BBS9: variants seen among roughly 807,000 people sequenced by gnomAD.
The protein encoded by BBS9 is protein PTHB1.
In BBS9, 89 loss-of-function variants were observed where a neutral mutation model predicts 117.7. The ratio of observed to expected loss-of-function variants is 0.76; its 90% CI spans 0.64 to 0.90. BBS9 has a LOEUF of 0.90. Ranked by LOEUF, BBS9 falls within the 40% of genes least tolerant of loss-of-function variation. BBS9 has a pLI of 0.00. For synonymous variants in BBS9, 379 were observed against 370.9 expected (o/e 1.02, Z -0.25); for missense variants, 982 against 1,042.2 (o/e 0.94, Z 0.80).
At chr7:33,277,844 G>C (rs1426446885) in intron 9 of BBS9, among the ~76,000 whole-genome samples, 1 of 152,134 alleles carries the variant, frequency 6.6e-6, no homozygotes, top group Non-Finnish European at 1.5e-5. Context: ...CTACAATAGT[G>C]ATGTTATCTG....
intron 19 of BBS9, among the ~76,000 whole-genome samples, chr7:33,483,175 C>T (rs914188588): frequency 1.3e-5 from 2 of 152,060 alleles, no homozygotes; most frequent in Admixed American, 6.6e-5. Context: ...TAATTTGGTC[C>T]TAGACCTTGA....
intron 19 of BBS9, among the ~76,000 whole-genome samples, chr7:33,447,625 T>C (rs373881416): frequency 6.6e-6 from 1 of 152,294 alleles, no homozygotes; most frequent in South Asian, 2.1e-4. Context: ...TTTAGAGAAG[T>C]TTACTATCAG....
chr7:33,142,550 C>T (rs1362495721), intron 1 of BBS9, among the ~76,000 whole-genome samples: 2 of 152,180 alleles, frequency 1.3e-5, no homozygotes, highest in African/African-American at 4.8e-5. Context: ...ATCTCCAGAA[C>T]TTCTCATCTT....
intron 5 of BBS9, among the ~76,000 whole-genome samples, chr7:33,232,332 A>G (rs1008655930): frequency 5.9e-5 from 9 of 152,150 alleles, no homozygotes; most frequent in Non-Finnish European, 1.2e-4. Context: ...GCAGAAACTT[A>G]TTAAGAAGAA....
chr7:33,606,102 T>A (rs1364898950), downstream of BBS9: 1 of 152,142 alleles, frequency 6.6e-6, no homozygotes, highest in Admixed American at 6.5e-5. Context: ...GGGAAAGTTG[T>A]TCATGGTTTT....
chr7:33,328,344 A>G (rs757940817), intron 9 of BBS9, among the ~76,000 whole-genome samples: 5 of 152,190 alleles, frequency 3.3e-5, no homozygotes, highest in Non-Finnish European at 7.4e-5. Flanking sequence ...AATTAGACCA[A>G]AGATTTTTAT....
rs145241295 is a variant in BBS9, at chr7:33,152,726, G to A, written c.138G>A (p.Met46Ile). The change falls in exon 3 of 23, where the codon ATG (methionine) becomes ATA (isoleucine). Residue 46 changes from methionine (M) to isoleucine (I), a missense_variant. Coordinates refer to ENST00000242067, the MANE Select transcript of BBS9 (RefSeq NM_198428.3). ...GQDKIIVGSF[M>I]GYLRIFSPHP... Reference sequence around the variant, plus strand: ...ATAAAATAATTGTGGGTAGCTTTATGGGATACCTAAGGATCTTTAGCCCCC... The same window carrying A: ...ATAAAATAATTGTGGGTAGCTTTATAGGATACCTAAGGATCTTTAGCCCCC... 1.2e-5 allele frequency: 20 copies of A among 1,612,464 alleles called. No homozygotes were observed. In the African/African-American group the frequency reaches 2.5e-4, roughly 21 times the overall value.
chr7:33,368,000 AGATAGGATGT>A, intron 17 of BBS9, 138 bp downstream of exon 17: 1 of 743,238 alleles, frequency 1.3e-6, no homozygotes, highest in African/African-American at 1.7e-5. Flanking sequence ...GATATTAAGT[AGATAGGATGT>A]GAAAGTTATG....
At chr7:33,629,942 G>T (rs187236213) in intron 21 of BBS9, among the ~76,000 whole-genome samples, 1 of 152,172 alleles carries the variant, frequency 6.6e-6, no homozygotes, top group Admixed American at 6.5e-5. Flanking sequence ...ACTTTAAAAG[G>T]CTAATTTCAG....
chr7:33,402,198 G>A (rs1235150938), intron 19 of BBS9, among the ~76,000 whole-genome samples: 2 of 152,090 alleles, frequency 1.3e-5, no homozygotes. Flanking sequence ...AGACCTTCAA[G>A]GGGATCCCTG....
At chr7:33,367,953 G>T in intron 17 of BBS9, 91 bp downstream of exon 17, 1 of 1,016,898 alleles carries the variant, frequency 9.8e-7, no homozygotes, top group Non-Finnish European at 1.5e-6. Flanking sequence ...TCCTGCAAAG[G>T]GTGATGTTCA....
chr7:33,551,312 A>G (rs1854380515), intron 21 of BBS9, among the ~76,000 whole-genome samples: 1 of 152,202 alleles, frequency 6.6e-6, no homozygotes, highest in Non-Finnish European at 1.5e-5. Flanking sequence ...TGGGTTTCAA[A>G]GAAAAATAAA....
At chr7:33,556,094 C>T (rs1855247379) in intron 21 of BBS9, among the ~76,000 whole-genome samples, 1 of 152,178 alleles carries the variant, frequency 6.6e-6, no homozygotes, top group African/African-American at 2.4e-5. Flanking sequence ...TTACCAGTGT[C>T]ACTAAGTGAT....
chr7:33,417,686 G>C (rs1437872374), intron 19 of BBS9, among the ~76,000 whole-genome samples: 1 of 152,200 alleles, frequency 6.6e-6, no homozygotes, highest in East Asian at 1.9e-4. Context: ...CTAACTATAA[G>C]AAAGGAGATT....
chr7:33,498,397 A>G (rs35255633), intron 19 of BBS9, among the ~76,000 whole-genome samples: 137 of 152,264 alleles, frequency 9.0e-4, no homozygotes, highest in Admixed American at 2.8e-3. Flanking sequence ...GTATAATTCA[A>G]TGATTTTTAG....
intron 9 of BBS9, among the ~76,000 whole-genome samples, chr7:33,334,741 C>T (rs1814935375): frequency 6.6e-6 from 1 of 152,148 alleles, no homozygotes; most frequent in South Asian, 2.1e-4. Context: ...TCTAGTCTTA[C>T]CTTCTCATTT....
At chr7:33,455,883 G>T (rs1332166329) in intron 19 of BBS9, among the ~76,000 whole-genome samples, 2 of 152,148 alleles carry the variant, frequency 1.3e-5, no homozygotes, top group East Asian at 3.8e-4. Context: ...TATTAAAAAA[G>T]AAGAAATTGT....
intron 5 of BBS9, among the ~76,000 whole-genome samples, chr7:33,238,051 A>G (rs966626846): frequency 3.9e-5 from 6 of 152,216 alleles, no homozygotes; most frequent in African/African-American, 1.4e-4. Flanking sequence ...TAGTCTTTTC[A>G]GACTGACTGC....
At chr7:33,307,372 T>C (rs1332593498) in intron 9 of BBS9, among the ~76,000 whole-genome samples, 1 of 152,218 alleles carries the variant, frequency 6.6e-6, no homozygotes, top group African/African-American at 2.4e-5. Flanking sequence ...TGGTCTGTTA[T>C]TATTGATGGT....
Sources: gnomAD v4.1 joint callset for allele counts (sites outside exome capture counted in the v4.1 genomes callset) on GRCh38, gnomAD v4.1.1 for gene constraint, MANE v1.5 for transcripts, NCBI Gene and HGNC (gene_info 2026-07-23, HGNC 2026-07-21) for gene names.